Variants in KCNQ5 observed in about 807,000 individuals in gnomAD.
The protein encoded by KCNQ5 is potassium voltage-gated channel subfamily KQT member 5.
KCNQ5 carries 30 observed loss-of-function variants against 98.2 expected under a neutral mutation model. The observed-to-expected ratio is 0.31, with a 90% CI of 0.23 to 0.41. The LOEUF (loss-of-function observed/expected upper bound fraction) is 0.41. KCNQ5 is among the 10% of genes least tolerant of loss of function. KCNQ5 has a pLI of 1.00. For synonymous variants in KCNQ5, 458 were observed against 449.4 expected, an observed-to-expected ratio of 1.02 and a Z score of -0.24; for missense variants, 835 against 1,182.5, an observed-to-expected ratio of 0.71 and a Z score of 4.31.
intron 1 of KCNQ5, among the ~76,000 whole-genome samples, chr6:72,681,313 C>T (rs529771099): frequency 4.5e-4 from 68 of 152,260 alleles, no homozygotes; most frequent in African/African-American, 1.5e-3. Context: ...ATAATAATAG[C>T]TTTTATTCAT....
At chr6:72,992,730 AGTT>A (rs1416836020) in intron 1 of KCNQ5, among the ~76,000 whole-genome samples, 1 of 107,346 alleles carries the variant, frequency 9.3e-6, no homozygotes, top group Admixed American at 9.5e-5. Context: ...TTTGCTCATC[AGTT>A]GATGCAGTTT....
intron 1 of KCNQ5, among the ~76,000 whole-genome samples, chr6:72,712,260 A>G (rs902662106): frequency 1.3e-5 from 2 of 152,226 alleles, no homozygotes; most frequent in African/African-American, 4.8e-5. Context: ...GAAGAGAATG[A>G]ACTTACAAAG....
Position 72,706,655 on chromosome 6 carries a change from C to G in KCNQ5, c.398+84068C>G, listed in dbSNP as rs7764621. Reference sequence around the variant, plus strand: ...TCTTTACCTTAGTCAGTTCCTAATACAGCAACCTAAACTGATGTCATAGAG... The same window carrying G: ...TCTTTACCTTAGTCAGTTCCTAATAGAGCAACCTAAACTGATGTCATAGAG... On this transcript the variant is annotated intron_variant, in intron 1 of 13. Transcript: ENST00000370398. Among the ~76,000 whole-genome samples, 64 of 152,122 alleles carry G rather than the reference C, an allele frequency of 4.2e-4. 1 individual carries two copies. Among genetic ancestry groups the G allele is most frequent in the African/African-American group, 1.4e-3 (60 of 41,424 alleles).
intron 10 of KCNQ5, among the ~76,000 whole-genome samples, chr6:73,156,195 G>T (rs572304017): frequency 1.9e-4 from 29 of 152,204 alleles, no homozygotes; most frequent in Middle Eastern, 3.4e-3. Flanking sequence ...CAGAAAGAAG[G>T]AACCCTTGGA....
intron 1 of KCNQ5, among the ~76,000 whole-genome samples, chr6:72,676,459 G>A (rs946818677): frequency 6.6e-6 from 1 of 152,128 alleles, no homozygotes; most frequent in Non-Finnish European, 1.5e-5. Flanking sequence ...CCGTTGTATG[G>A]TAAGTCTGAG....
chr6:72,868,059 A>G (rs542951016), intron 1 of KCNQ5, among the ~76,000 whole-genome samples: 53 of 152,286 alleles, frequency 3.5e-4, no homozygotes, highest in African/African-American at 1.2e-3. Context: ...ACCAGGGCCA[A>G]TCCGTCAGTC....
intron 2 of KCNQ5, among the ~76,000 whole-genome samples, chr6:73,036,656 T>C (rs560324440): frequency 6.6e-6 from 1 of 152,344 alleles, no homozygotes; most frequent in East Asian, 1.9e-4. Flanking sequence ...AATTCATTTA[T>C]GTTACTCTGT....
At chr6:72,978,608 C>G (rs1407825326) in intron 1 of KCNQ5, among the ~76,000 whole-genome samples, 1 of 152,152 alleles carries the variant, frequency 6.6e-6, no homozygotes, top group East Asian at 1.9e-4. Context: ...AGTTGTGATC[C>G]TTTTAAAAAA....
At chr6:72,868,383 G>A (rs1042282973) in intron 1 of KCNQ5, among the ~76,000 whole-genome samples, 1 of 152,012 alleles carries the variant, frequency 6.6e-6, no homozygotes, top group African/African-American at 2.4e-5. Flanking sequence ...GTGGCCTTTT[G>A]GGTCTCTAAG....
intron 1 of KCNQ5, among the ~76,000 whole-genome samples, chr6:72,918,805 GA>G (rs1780273670): frequency 6.6e-6 from 1 of 152,086 alleles, no homozygotes; most frequent in Admixed American, 6.6e-5. Flanking sequence ...TAGGGTGAAA[GA>G]ACTAAAATCA....
At chr6:73,096,237 A>G (rs892523468) in intron 5 of KCNQ5, among the ~76,000 whole-genome samples, 3 of 147,100 alleles carry the variant, frequency 2.0e-5, no homozygotes, top group African/African-American at 7.5e-5. Context: ...GTGATCTGGG[A>G]TGGTTTTCTG....
intron 1 of KCNQ5, among the ~76,000 whole-genome samples, chr6:72,812,222 A>G (rs1219272129): frequency 6.6e-6 from 1 of 152,062 alleles, no homozygotes; most frequent in African/African-American, 2.4e-5. Context: ...CCTGTATCTT[A>G]TGATACTAGT....
At chr6:72,906,327 A>G (rs1039621672) in intron 1 of KCNQ5, among the ~76,000 whole-genome samples, 4 of 152,210 alleles carry the variant, frequency 2.6e-5, no homozygotes, top group African/African-American at 9.6e-5. Flanking sequence ...CCTGCCTCCT[A>G]GCCGCAAAAG....
intron 1 of KCNQ5, among the ~76,000 whole-genome samples, chr6:72,818,552 C>G (rs1297208118): frequency 6.6e-6 from 1 of 151,168 alleles, no homozygotes; most frequent in Non-Finnish European, 1.5e-5. Flanking sequence ...TAAACATTGC[C>G]CTTAATATTT....
chr6:72,886,692 A>T (rs1423991738), intron 1 of KCNQ5, among the ~76,000 whole-genome samples: 2 of 152,192 alleles, frequency 1.3e-5, no homozygotes, highest in African/African-American at 2.4e-5. Context: ...AGCAGACAAC[A>T]TAAGAAAGAA....
At chr6:72,642,456 A>T (rs1765372393) in intron 1 of KCNQ5, among the ~76,000 whole-genome samples, 1 of 151,996 alleles carries the variant, frequency 6.6e-6, no homozygotes, top group Admixed American at 6.6e-5. Flanking sequence ...TCCAGCAAAC[A>T]GATACTTTTC....
chr6:72,805,401 A>G lies in KCNQ5; in HGVS notation c.398+182814A>G, dbSNP rs140487127. 2.8e-3 allele frequency among the ~76,000 whole-genome samples: 431 copies of G among 152,240 alleles called. 4 individuals are homozygous for G. Among genetic ancestry groups the G allele is most frequent in the African/African-American group, 9.8e-3 (408 of 41,562 alleles). ...CTGCATATGGAAGCTTCCCAGCACC[A>G]TTTATTGAAGAGACTATCCTTTCCC... On this transcript the variant is annotated intron_variant, in intron 1 of 13. Coordinates refer to ENST00000370398, the MANE Select transcript of KCNQ5 (RefSeq NM_019842.4).
chr6:73,062,041 A>T (rs1265449538), intron 3 of KCNQ5, among the ~76,000 whole-genome samples: 2 of 152,160 alleles, frequency 1.3e-5, no homozygotes, highest in African/African-American at 4.8e-5. Context: ...TTAAGAGGTA[A>T]ATGGAAGGAG....
intron 1 of KCNQ5, among the ~76,000 whole-genome samples, chr6:72,648,646 G>A (rs1765722921): frequency 6.6e-6 from 1 of 151,392 alleles, no homozygotes; most frequent in South Asian, 2.1e-4. Flanking sequence ...TATGGAGGGG[G>A]AAAAAGAGAG....
Sources: allele counts gnomAD v4.1 joint callset (sites outside exome capture counted in the v4.1 genomes callset), GRCh38; gene constraint gnomAD v4.1.1; transcripts MANE v1.5; gene names NCBI Gene and HGNC (gene_info 2026-07-23, HGNC 2026-07-21).